The following FBLN1 variants were observed in gnomAD, a reference collection of about 807,000 sequenced individuals.
FBLN1 encodes the protein fibulin 1, also known as fibulin-1.
Under a neutral mutation model 89.7 loss-of-function variants are expected in FBLN1, and 34 were observed. That is an observed-to-expected ratio of 0.38 (90% confidence interval 0.29 to 0.50). The LOEUF (loss-of-function observed/expected upper bound fraction) is 0.50, where lower values mean the gene tolerates loss of function less well. Ranked by LOEUF, FBLN1 falls within the 20% of genes least tolerant of loss-of-function variation. FBLN1 has a pLI of 0.92. For missense variants in FBLN1, 777 were observed against 988.1 expected, an observed-to-expected ratio of 0.79 and a Z score of 2.86; for synonymous variants, 393 against 391.3, an observed-to-expected ratio of 1.00 and a Z score of -0.05.
chr22:45,543,659 C>A, intron 11 of FBLN1, 133 bp downstream of exon 11: 1 of 1,241,650 alleles, frequency 8.1e-7, no homozygotes, highest in Non-Finnish European at 1.1e-6. Flanking sequence ...GGGGAAGTGC[C>A]TGTAAAATAT....
Position 45,525,712 on chromosome 22 carries a change from G to A in FBLN1, c.321+34G>A, listed in dbSNP as rs189845806. ...CAAAGACCATGTGGGGTCGCTGCCC[G>A]TCCCCACTAGTCGGCAGACCCAGGC... On this transcript the variant is annotated intron_variant, in intron 3 of 16. Transcript: ENST00000327858. 101 of 1,550,944 alleles carry A rather than the reference G, an allele frequency of 6.5e-5. 1 individual carries two copies. In the African/African-American group the frequency reaches 6.7e-4, roughly 10 times the overall value.
At chr22:45,554,124 G>A (rs1223692715) in intron 14 of FBLN1, among the ~76,000 whole-genome samples, 1 of 152,228 alleles carries the variant, frequency 6.6e-6, no homozygotes, top group African/African-American at 2.4e-5. Context: ...CTCAATGGGC[G>A]TCTGTCTTCC....
At chr22:45,553,996 C>T (rs1394759623) in intron 14 of FBLN1, among the ~76,000 whole-genome samples, 8 of 152,160 alleles carry the variant, frequency 5.3e-5, no homozygotes, top group Admixed American at 6.5e-5. Context: ...TGCGTGTGCG[C>T]GTGCTTGTGT....
chr22:45,596,652 CAT>C (rs999050692), intron 16 of FBLN1, among the ~76,000 whole-genome samples: 3 of 146,776 alleles, frequency 2.0e-5, no homozygotes, highest in Non-Finnish European at 3.0e-5. Context: ...CATATATCAA[CAT>C]AATATAATTA....
At chr22:45,529,754 T>C (rs1258202676) in intron 4 of FBLN1, among the ~76,000 whole-genome samples, 1 of 152,020 alleles carries the variant, frequency 6.6e-6, no homozygotes, top group Non-Finnish European at 1.5e-5. Flanking sequence ...TAATCCCAGC[T>C]ACTTGGGAGG....
chr22:45,594,452 T>C (rs1311659009), intron 16 of FBLN1, among the ~76,000 whole-genome samples: 1 of 152,232 alleles, frequency 6.6e-6, no homozygotes, highest in Non-Finnish European at 1.5e-5. Context: ...TTTGCACTTG[T>C]CCTTCCTGCT....
chr22:45,532,985 G>T lies in FBLN1; in HGVS notation c.545-78G>T. 1 of 1,388,892 alleles carries T rather than the reference G, an allele frequency of 7.2e-7. No individual in the cohort carries two copies. The highest frequency in any genetic ancestry group is 1.2e-5 in the South Asian group (1 of 85,714). The allele number at this position is 1,388,892 out of a possible 1,614,324, so 86.0% of individuals were successfully genotyped here. A position where few individuals can be genotyped will look rare whatever the true frequency, so the allele number is the denominator to read the frequency against. ...CGTCTGCCCAGAGGGCGTTTTCTAT[G>T]ACCCAGCCTGAACGGAGCTAGAAAC... On this transcript the variant is annotated intron_variant, in intron 5 of 16. Coordinates refer to ENST00000327858, the MANE Select transcript of FBLN1 (RefSeq NM_006486.3). This position sits in a 1 kb window ranked among gnomAD's most constrained non-coding sequence, Gnocchi z 4.2.
chr22:45,533,289 C>A, intron 6 of FBLN1, 125 bp downstream of exon 6: 3 of 879,476 alleles, frequency 3.4e-6, no homozygotes, highest in South Asian at 1.4e-5. Flanking sequence ...GAGAGCAGCC[C>A]AGGACGCGCT....
chr22:45,584,687 AG>A (rs2089069887), intron 16 of FBLN1, among the ~76,000 whole-genome samples: 2 of 151,416 alleles, frequency 1.3e-5, no homozygotes, highest in African/African-American at 4.9e-5. Context: ...AGCCGCTGGG[AG>A]GAAGAAGTTT....
Position 45,525,611 on chromosome 22 carries a change from C to A in FBLN1, c.254C>A (p.Ala85Asp). 1 of 1,550,926 alleles carries A rather than the reference C, an allele frequency of 6.4e-7. No homozygotes were observed. The highest frequency in any genetic ancestry group is 1.2e-5 in the South Asian group (1 of 84,046). ...ELHCATGISL[A>D]NEQDRCATPH... ...CACTGTGCCACGGGCATCAGCCTGG[C>A]CAACGAGCAGGACCGCTGTGCCACG... The change falls in exon 3 of 17, where the codon GCC becomes GAC. Residue 85 changes from alanine (A) to aspartate (D), a missense_variant. By Grantham distance (126) the Ala-to-Asp change is moderately radical. Coordinates refer to ENST00000327858, the MANE Select transcript of FBLN1 (RefSeq NM_006486.3).
chr22:45,541,049 A>C (rs2088549162), intron 8 of FBLN1, among the ~76,000 whole-genome samples, 180 bp from the exon 9 acceptor site: 1 of 152,246 alleles, frequency 6.6e-6, no homozygotes. Context: ...GGCGGTATGC[A>C]GTGATAAAAT....
At chr22:45,552,189 G>C (rs2088711692) in intron 14 of FBLN1, among the ~76,000 whole-genome samples, 1 of 152,254 alleles carries the variant, frequency 6.6e-6, no homozygotes, top group Non-Finnish European at 1.5e-5. Context: ...TGTGTGCTAG[G>C]AGGGAGGAGG....
rs959710220 is a variant in FBLN1 at position 45,579,776 on chromosome 22, C to T, written c.1972+2668C>T. ...CACTGCGCTGATCTTATTTCTCTGT[C>T]TGAGATCTCCTCCTTGGGCTTCCAT... On this transcript the variant is annotated intron_variant, in intron 16 of 16. Coordinates refer to ENST00000327858, the MANE Select transcript of FBLN1 (RefSeq NM_006486.3). The surrounding 1 kb of genome is among the most constrained non-coding windows in gnomAD (Gnocchi z 5.5). Among the ~76,000 whole-genome samples the T allele has an allele frequency of 1.3e-5, 2 of 152,162 alleles. No homozygotes were observed. The highest frequency in any genetic ancestry group is 4.8e-5 in the African/African-American group (2 of 41,438).
At chr22:45,543,338 A>AG in intron 10 of FBLN1, 63 bp from the exon 11 acceptor site, 1 of 1,599,580 alleles carries the variant, frequency 6.3e-7, no homozygotes, top group Non-Finnish European at 8.5e-7. Flanking sequence ...CCTTACTAGG[A>AG]GGGTGGAGTG....
At chr22:45,505,534 C>G (rs1426020782) in intron 1 of FBLN1, among the ~76,000 whole-genome samples, 1 of 152,200 alleles carries the variant, frequency 6.6e-6, no homozygotes, top group Non-Finnish European at 1.5e-5. Flanking sequence ...ATTTGCCACC[C>G]CTGTTAGGTG....
At chr22:45,553,264 G>C in intron 14 of FBLN1, among the ~76,000 whole-genome samples, 1 of 152,236 alleles carries the variant, frequency 6.6e-6, no homozygotes, top group East Asian at 1.9e-4. Context: ...CATAGAGCTT[G>C]AGGTGTTAGG....
In FBLN1 at chr22:45,577,141, C is replaced by A; in HGVS notation, c.1972+33C>A. ...GCTGGGAATATCAGCTCTATCCAGG[C>A]ACCCCTCCCCCTCCACCCCGAAACC... On this transcript the variant is annotated intron_variant, in intron 16 of 16. Transcript: ENST00000327858. This position sits in a 1 kb window ranked among gnomAD's most constrained non-coding sequence, Gnocchi z 6.6. The A allele has an allele frequency of 6.2e-7, 1 of 1,612,154 alleles. No homozygotes were observed.
At chr22:45,520,503 T>TAACTATGTCACCCATTTAAAGTC (rs2088235623) in intron 2 of FBLN1, among the ~76,000 whole-genome samples, 1 of 152,194 alleles carries the variant, frequency 6.6e-6, no homozygotes, top group Non-Finnish European at 1.5e-5. Flanking sequence ...CAACCTCATT[T>TAACTATGTCACCCATTTAAAGTC]AACTATGTCA....
Position 45,535,285 on chromosome 22 carries a change from C to G in FBLN1, c.870C>G (p.Pro290=), listed in dbSNP as rs2088469128. ...CTCTGGGATCCTTCCGCTGCCGACC[C>G]AAGCTACAGTGCAAGAGTGGCTTTA... ...QNTLGSFRCR[P]KLQCKSGFIQ... Residue 290 remains proline, a synonymous_variant, in exon 8 of 17, where the codon CCC becomes CCG. Coordinates refer to ENST00000327858, the MANE Select transcript of FBLN1 (RefSeq NM_006486.3). 1.9e-6 allele frequency: 3 copies of G among 1,614,038 alleles called. No homozygotes were observed. Among genetic ancestry groups the G allele is most frequent in the Admixed American group, 1.7e-5 (1 of 60,002 alleles).
Sources: allele counts gnomAD v4.1 joint callset (sites outside exome capture counted in the v4.1 genomes callset), GRCh38; gene constraint gnomAD v4.1.1; non-coding constraint Gnocchi (gnomAD v3.1); transcripts MANE v1.5; gene names NCBI Gene and HGNC (gene_info 2026-07-23, HGNC 2026-07-21).